The following ABLIM2 variants were observed in gnomAD, a reference collection of about 807,000 sequenced individuals.
ABLIM2 encodes actin binding LIM protein family member 2.
In ABLIM2, 53 loss-of-function variants were observed where a neutral mutation model predicts 97.7. The observed-to-expected ratio is 0.54, with a 90% CI of 0.44 to 0.68. The LOEUF is 0.68. ABLIM2 is among the 30% of genes least tolerant of loss of function. The pLI is 0.00. For missense variants in ABLIM2, 835 were observed against 867.2 expected, an observed-to-expected ratio of 0.96 and a Z score of 0.47; for synonymous variants, 361 against 345.8, an observed-to-expected ratio of 1.04 and a Z score of -0.49.
intron 9 of ABLIM2, among the ~76,000 whole-genome samples, chr4:8,037,312 G>A (rs1560837297): frequency 2.7e-5 from 4 of 148,646 alleles, no homozygotes; most frequent in Non-Finnish European, 5.9e-5. Context: ...ACACGCACAT[G>A]CATGCGCACA....
rs1474451695 is a variant in ABLIM2, at chr4:8,136,213, GC to G, written c.10+22466del. Among the ~76,000 whole-genome samples, 8 of 152,314 alleles carry G rather than the reference GC, an allele frequency of 5.3e-5. No homozygotes were observed. In the East Asian group the frequency reaches 1.5e-3, roughly 29 times the overall value. The stretch of plus-strand genomic sequence containing the variant: ...CCCAGAAGGACAAATATCACAGGAT[GC>G]CACTTATATGAGGTCCCAAGAGTCG... On this transcript the variant is annotated intron_variant, in intron 1 of 20. Transcript: ENST00000447017.
chr4:8,054,892 G>A lies in ABLIM2; in HGVS notation c.764-646C>T, dbSNP rs1306035009. Among the ~76,000 whole-genome samples the A allele has an allele frequency of 6.6e-6, 1 of 152,084 alleles. No individual in the cohort carries two copies. Among genetic ancestry groups the A allele is most frequent in the African/African-American group, 2.4e-5 (1 of 41,400 alleles). Reference sequence around the variant, plus strand: ...TTACTCAGTCTCTGTGGCTTCTTGTGTCTCAGTTTCTCTAGCTGTCAGTTC... The same window carrying A: ...TTACTCAGTCTCTGTGGCTTCTTGTATCTCAGTTTCTCTAGCTGTCAGTTC... On this transcript the variant is annotated intron_variant, in intron 7 of 20. Coordinates refer to ENST00000447017, the MANE Select transcript of ABLIM2 (RefSeq NM_001130083.2). The surrounding 1 kb of genome is among the most constrained non-coding windows in gnomAD (Gnocchi z 4.9).
chr4:8,090,709 TTTTTTA>T (rs1211433649), intron 3 of ABLIM2, among the ~76,000 whole-genome samples: 1 of 152,064 alleles, frequency 6.6e-6, no homozygotes, highest in Non-Finnish European at 1.5e-5. Flanking sequence ...ATTTGTCTTT[TTTTTTA>T]TTTTTATTTT....
At chr4:8,143,689 C>T (rs1434865147) in intron 1 of ABLIM2, among the ~76,000 whole-genome samples, 2 of 152,188 alleles carry the variant, frequency 1.3e-5, no homozygotes, top group African/African-American at 4.8e-5. Flanking sequence ...AGTGTCATCG[C>T]TTACTGCATG....
chr4:8,086,494 G>C (rs941872459), intron 4 of ABLIM2, among the ~76,000 whole-genome samples: 1 of 151,774 alleles, frequency 6.6e-6, no homozygotes, highest in Non-Finnish European at 1.5e-5. Flanking sequence ...ACTACAGGTG[G>C]GCACTACCAC....
intron 6 of ABLIM2, among the ~76,000 whole-genome samples, chr4:8,062,270 C>G (rs1291184612): frequency 6.6e-6 from 1 of 152,190 alleles, no homozygotes; most frequent in Non-Finnish European, 1.5e-5. Context: ...CACTAGATGG[C>G]CAGTCTCTCA....
intron 14 of ABLIM2, among the ~76,000 whole-genome samples, chr4:8,009,964 C>T (rs1464610525): frequency 6.6e-6 from 1 of 152,244 alleles, no homozygotes; most frequent in Non-Finnish European, 1.5e-5. Flanking sequence ...CCTTCCCTGT[C>T]TGCCACACCT....
chr4:7,985,931 C>T (rs1277550519), intron 17 of ABLIM2, among the ~76,000 whole-genome samples: 1 of 152,262 alleles, frequency 6.6e-6, no homozygotes, highest in East Asian at 1.9e-4. Context: ...CCACAGGGGT[C>T]GGGCAGTCCT....
intron 19 of ABLIM2, 96 bp downstream of exon 19, chr4:7,983,451 C>A: frequency 6.3e-7 from 1 of 1,585,426 alleles, no homozygotes. Context: ...CTGCACCTGA[C>A]ACACACATTT....
chr4:8,054,363 C>G lies in ABLIM2; in HGVS notation c.764-117G>C. The G allele has an allele frequency of 9.1e-7, 1 of 1,098,468 alleles. No individual in the cohort carries two copies. Among genetic ancestry groups the G allele is most frequent in the Non-Finnish European group, 1.3e-6 (1 of 742,126 alleles). The allele number at this position is 1,098,468 out of a possible 1,614,324, so 68.0% of individuals were successfully genotyped here. On this transcript the variant is annotated intron_variant, in intron 7 of 20. Coordinates refer to ENST00000447017, the MANE Select transcript of ABLIM2 (RefSeq NM_001130083.2). The surrounding 1 kb of genome is among the most constrained non-coding windows in gnomAD (Gnocchi z 4.9). ...GCACAGACGTGCACTCGGACTCCAC[C>G]CTCCAAGCGGCCCTGAGCATCCTCT...
intron 16 of ABLIM2, chr4:8,006,881 G>A (rs539364680): frequency 7.7e-5 from 29 of 377,750 alleles, no homozygotes; most frequent in East Asian, 1.6e-4. Context: ...TTTTGCAGGG[G>A]GGGGGTGGCT....
chr4:7,969,384 G>T (rs978480553), intron 20 of ABLIM2, among the ~76,000 whole-genome samples: 1 of 152,076 alleles, frequency 6.6e-6, no homozygotes, highest in African/African-American at 2.4e-5. Context: ...AAGCCAGGGG[G>T]TTGAAGCTGC....
Position 8,003,451 on chromosome 4 carries a change from G to A in ABLIM2, c.1618+4608C>T, listed in dbSNP as rs550006266. Among the ~76,000 whole-genome samples the A allele has an allele frequency of 1.3e-3, 204 of 152,094 alleles. 1 individual carries two copies. The highest frequency in any genetic ancestry group is 4.5e-3 in the African/African-American group (186 of 41,488). ...TCTACCCAATATACATCGCTTTCAC[G>A]CCAGCGGAAAGTCACACGGTCCCAT... On this transcript the variant is annotated intron_variant, in intron 16 of 20. Transcript: ENST00000447017. This position sits in a 1 kb window ranked among gnomAD's most constrained non-coding sequence, Gnocchi z 4.2.
At chr4:8,006,978 G>T in intron 16 of ABLIM2, 1 of 973,028 alleles carries the variant, frequency 1.0e-6, no homozygotes, top group Non-Finnish European at 1.2e-6. Context: ...GAGGCCTGAG[G>T]GGTGCACAGA....
At chr4:8,079,353 T>C (rs1293865971) in intron 5 of ABLIM2, among the ~76,000 whole-genome samples, 1 of 152,202 alleles carries the variant, frequency 6.6e-6, no homozygotes, top group Non-Finnish European at 1.5e-5. Context: ...CTAAGTAACA[T>C]GCACGGTGTG....
rs564224527 is a variant in ABLIM2, at chr4:8,149,492, C to T, written c.10+9188G>A. Among the ~76,000 whole-genome samples, 1 of 151,838 alleles carries T rather than the reference C, an allele frequency of 6.6e-6. No individual in the cohort carries two copies. Among genetic ancestry groups the T allele is most frequent in the Non-Finnish European group, 1.5e-5 (1 of 67,972 alleles). The stretch of plus-strand genomic sequence containing the variant: ...AGGAAACCCCAGCTTGGTCTGTGTC[C>T]ACAGGTTCAGAGGAAGGAGGGAAGC... On this transcript the variant is annotated intron_variant, in intron 1 of 20. Transcript: ENST00000447017. The surrounding 1 kb of genome is among the most constrained non-coding windows in gnomAD (Gnocchi z 6.4).
chr4:8,001,262 G>A lies in ABLIM2; in HGVS notation c.1618+6797C>T, dbSNP rs1757007165. Among the ~76,000 whole-genome samples, 1 of 152,194 alleles carries A rather than the reference G, an allele frequency of 6.6e-6. No homozygotes were observed. Among genetic ancestry groups the A allele is most frequent in the African/African-American group, 2.4e-5 (1 of 41,460 alleles). On this transcript the variant is annotated intron_variant, in intron 16 of 20. Transcript: ENST00000447017. This position sits in a 1 kb window ranked among gnomAD's most constrained non-coding sequence, Gnocchi z 4.2. ...GAGGAGGCCCTGGGGCTGTGGCTAT[G>A]AGACAACATGAGCTCTCAGAGGGAC... is the stretch of plus-strand genomic sequence containing the variant.
chr4:8,107,470 C>T (rs748487223), intron 1 of ABLIM2, among the ~76,000 whole-genome samples: 2 of 152,338 alleles, frequency 1.3e-5, no homozygotes, highest in South Asian at 2.1e-4. Context: ...CGCTTTGAAG[C>T]TTGAGGAGGA....
intron 17 of ABLIM2, among the ~76,000 whole-genome samples, chr4:7,987,147 T>C (rs1744875763): frequency 6.6e-6 from 1 of 152,198 alleles, no homozygotes; most frequent in Non-Finnish European, 1.5e-5. Context: ...TGGCTAATTT[T>C]TGTATTTTTT....
Sources: allele counts gnomAD v4.1 joint callset (sites outside exome capture counted in the v4.1 genomes callset), GRCh38; gene constraint gnomAD v4.1.1; non-coding constraint Gnocchi (gnomAD v3.1); transcripts MANE v1.5; gene names NCBI Gene and HGNC (gene_info 2026-07-23, HGNC 2026-07-21).